The following METTL15 variants were observed in gnomAD, a reference collection of about 807,000 sequenced individuals.
METTL15 encodes 12S rRNA N(4)-cytidine methyltransferase METTL15.
METTL15 carries 34 observed loss-of-function variants against 38.3 expected under a neutral mutation model. The ratio of observed to expected loss-of-function variants is 0.89; its 90% CI spans 0.68 to 1.18. METTL15 has a LOEUF of 1.18. Among genes scored for constraint, METTL15 ranks in the 50% most tolerant of loss-of-function variants. The probability of loss-of-function intolerance (pLI) is 0.00; values close to 1 mark genes in which losing one functional copy is unlikely to be tolerated. For missense variants in METTL15, 438 were observed against 498.4 expected (o/e 0.88, Z 1.15); for synonymous variants, 162 against 170.9 (o/e 0.95, Z 0.41).
intron 6 of METTL15, among the ~76,000 whole-genome samples, chr11:28,442,027 A>C (rs187043869): frequency 2.0e-3 from 305 of 152,326 alleles, no homozygotes; most frequent in Admixed American, 3.5e-3. Context: ...GGACATACGG[A>C]AGTTGATATG....
chr11:28,186,637 G>A (rs1851504545), intron 3 of METTL15, among the ~76,000 whole-genome samples: 1 of 151,032 alleles, frequency 6.6e-6, no homozygotes, highest in African/African-American at 2.4e-5. Flanking sequence ...AGGTTAAAGT[G>A]AGAAGGAAGT....
chr11:28,188,722 C>A (rs1851596012), intron 3 of METTL15, among the ~76,000 whole-genome samples: 1 of 151,084 alleles, frequency 6.6e-6, no homozygotes, highest in African/African-American at 2.4e-5. Context: ...CTAAACCATA[C>A]CTTTTGGAAC....
intron 5 of METTL15, among the ~76,000 whole-genome samples, chr11:28,386,020 T>G (rs1439607647): frequency 6.6e-6 from 1 of 152,102 alleles, no homozygotes; most frequent in African/African-American, 2.4e-5. Context: ...TGTATCTGAT[T>G]GAAGTTGTTA....
intron 6 of METTL15, among the ~76,000 whole-genome samples, chr11:28,464,865 T>C (rs1408924187): frequency 1.3e-5 from 2 of 152,236 alleles, no homozygotes; most frequent in Non-Finnish European, 2.9e-5. Context: ...ATAAGTGCTA[T>C]ATTTCCTGTT....
At chr11:28,512,807 T>G (rs1169910348) in intron 6 of METTL15, among the ~76,000 whole-genome samples, 1 of 152,226 alleles carries the variant, frequency 6.6e-6, no homozygotes, top group Non-Finnish European at 1.5e-5. Context: ...TGAAGGGCTC[T>G]TCAAGTGCTG....
At chr11:28,517,473 G>A (rs1473962237) in intron 6 of METTL15, among the ~76,000 whole-genome samples, 2 of 152,140 alleles carry the variant, frequency 1.3e-5, no homozygotes, top group African/African-American at 4.8e-5. Context: ...CTTTCGTTGT[G>A]AGAGGGGTGG....
chr11:28,312,950 A>G (rs1172144081), intron 6 of METTL15, among the ~76,000 whole-genome samples: 1 of 151,076 alleles, frequency 6.6e-6, no homozygotes, highest in Admixed American at 6.6e-5. Context: ...TGGGGAACAC[A>G]TTCCCACCAT....
At chr11:28,147,260 C>T (rs1256863454) in intron 3 of METTL15, among the ~76,000 whole-genome samples, 4 of 151,942 alleles carry the variant, frequency 2.6e-5, no homozygotes, top group African/African-American at 9.6e-5. Context: ...ACACCTAATG[C>T]AATCTACAAC....
chr11:28,223,650 C>T (rs1454050742), intron 4 of METTL15, among the ~76,000 whole-genome samples: 7 of 152,038 alleles, frequency 4.6e-5, no homozygotes, highest in African/African-American at 1.4e-4. Flanking sequence ...TTTACTCTGT[C>T]AAAACTAAGT....
chr11:28,125,326 T>C (rs942153922), intron 3 of METTL15, among the ~76,000 whole-genome samples: 3 of 152,124 alleles, frequency 2.0e-5, no homozygotes, highest in Non-Finnish European at 4.4e-5. Flanking sequence ...AAGGTAAGTA[T>C]GCCTTCTGAA....
chr11:28,290,520 A>G (rs1359251190), intron 5 of METTL15, 123 bp downstream of exon 5: 9 of 806,178 alleles, frequency 1.1e-5, no homozygotes, highest in Admixed American at 2.7e-5. Context: ...CTACCAATAC[A>G]TAATAAATCA....
intron 4 of METTL15, among the ~76,000 whole-genome samples, chr11:28,259,460 TG>T (rs1855110132): frequency 6.6e-6 from 1 of 152,110 alleles, no homozygotes. Flanking sequence ...GCCTGGGAGT[TG>T]CAGTCCTTGT....
chr11:28,499,183 G>T (rs1400229774), intron 6 of METTL15, among the ~76,000 whole-genome samples: 1 of 152,104 alleles, frequency 6.6e-6, no homozygotes, highest in African/African-American at 2.4e-5. Flanking sequence ...CCTGCCCCTT[G>T]GACCTTTGCC....
intron 6 of METTL15, among the ~76,000 whole-genome samples, chr11:28,513,983 AT>A: frequency 6.6e-6 from 1 of 152,332 alleles, no homozygotes; most frequent in Admixed American, 6.5e-5. Context: ...TTATGGCCAG[AT>A]TTTGGGGGGC....
chr11:28,160,234 A>C (rs1043688761), intron 3 of METTL15, among the ~76,000 whole-genome samples: 12 of 151,892 alleles, frequency 7.9e-5, no homozygotes, highest in African/African-American at 1.2e-4. Flanking sequence ...ATATTCCATT[A>C]GTTATTGGAT....
intron 3 of METTL15, among the ~76,000 whole-genome samples, chr11:28,195,100 T>C (rs1590138590): frequency 6.6e-6 from 1 of 152,268 alleles, no homozygotes; most frequent in East Asian, 1.9e-4. Context: ...CACTCTTTGG[T>C]TGATGAGCAT....
At chr11:28,258,844 T>G (rs1855079606) in intron 4 of METTL15, among the ~76,000 whole-genome samples, 1 of 152,146 alleles carries the variant, frequency 6.6e-6, no homozygotes, top group African/African-American at 2.4e-5. Context: ...TGTGGGACCT[T>G]AAGAGCCTAC....
chr11:28,387,285 A>G (rs1850450412), intron 5 of METTL15, among the ~76,000 whole-genome samples: 1 of 151,870 alleles, frequency 6.6e-6, no homozygotes, highest in African/African-American at 2.4e-5. Flanking sequence ...TGTTGAAAAG[A>G]GCAACAAAAT....
At chr11:28,352,773 G>T (rs1408827025) in intron 4 of METTL15, among the ~76,000 whole-genome samples, 1 of 152,094 alleles carries the variant, frequency 6.6e-6, no homozygotes, top group African/African-American at 2.4e-5. Flanking sequence ...GCTCATTGAG[G>T]GAGGAAAGAT....
Sources: allele counts gnomAD v4.1 joint callset (sites outside exome capture counted in the v4.1 genomes callset), GRCh38; gene constraint gnomAD v4.1.1; transcripts MANE v1.5; gene names NCBI Gene and HGNC (gene_info 2026-07-23, HGNC 2026-07-21).